The following ANKRD50 variants were observed in gnomAD, a reference collection of about 807,000 sequenced individuals.
ANKRD50 encodes ankyrin repeat domain-containing protein 50.
ANKRD50 carries 40 observed loss-of-function variants against 112.0 expected under a neutral mutation model. The observed-to-expected ratio is 0.36, with a 90% CI of 0.28 to 0.46. The LOEUF is 0.46. Ranked by LOEUF, ANKRD50 falls within the 20% of genes least tolerant of loss-of-function variation. ANKRD50 has a pLI of 1.00. For synonymous variants in ANKRD50, 613 were observed against 619.1 expected, an observed-to-expected ratio of 0.99 and a Z score of 0.15; for missense variants, 1,487 against 1,701.7, an observed-to-expected ratio of 0.87 and a Z score of 2.22.
chr4:124,703,040 A>T (rs1725425591), intron 2 of ANKRD50, among the ~76,000 whole-genome samples: 1 of 152,026 alleles, frequency 6.6e-6, no homozygotes, highest in East Asian at 1.9e-4. Flanking sequence ...CAACAGCTTT[A>T]TCTATGCATT....
Position 124,669,641 on chromosome 4 carries a change from C to T in ANKRD50, c.3636G>A (p.Leu1212=). 1 of 1,613,388 alleles carries T rather than the reference C, an allele frequency of 6.2e-7. No individual in the cohort carries two copies. The highest frequency in any genetic ancestry group is 8.5e-7 in the Non-Finnish European group (1 of 1,179,758). Residue 1212 remains leucine, a synonymous_variant, in exon 4 of 5, where the codon TTG becomes TTA. Transcript: ENST00000504087. ...GCTGCTGAATTTGTTCTGTAAATGA[C>T]AAGTTATGAAAGCTATCAATTGGCA... ...QTVPIDSFHN[L]SFTEQIQQHS... is the part of the protein sequence containing the mutation.
In ANKRD50 at chr4:124,669,738, G is replaced by C; in HGVS notation, c.3539C>G (p.Ser1180Ter). 1 of 1,613,488 alleles carries C rather than the reference G, an allele frequency of 6.2e-7. No individual in the cohort carries two copies. Among genetic ancestry groups the C allele is most frequent in the Non-Finnish European group, 8.5e-7 (1 of 1,179,790 alleles). Residue 1180 changes from serine (S) to a stop codon, truncating the protein, a stop_gained, in exon 4 of 5, where the codon TCA becomes TGA. Coordinates refer to ENST00000504087, the MANE Select transcript of ANKRD50 (RefSeq NM_020337.3). LOFTEE classifies it high-confidence loss of function. ...TTTTGAGCTTTTCAGGGAATTATTT[G>C]ACAGTGATGACTTCTGCCGGTCAAC... The part of the protein sequence containing the change: ...STVDRQKSSL[S>*]NNSLKSSKNS...
chr4:124,664,621 C>T lies in ANKRD50; in HGVS notation c.*2897G>A, dbSNP rs771162212. 6.6e-6 allele frequency: 1 copy of T among 152,144 alleles called. No individual in the cohort carries two copies. Among genetic ancestry groups the T allele is most frequent in the Non-Finnish European group, 1.5e-5 (1 of 67,850 alleles). The allele number at this position is 152,144 out of a possible 1,614,324, so 9.4% of individuals were successfully genotyped here. On this transcript the variant is annotated 3_prime_UTR_variant, in exon 5 of 5. Coordinates refer to ENST00000504087, the MANE Select transcript of ANKRD50 (RefSeq NM_020337.3). ...TTTTGGCTATTTACATACCTCAAAC[C>T]AAGGGAAAAATAAAAAGAAAGCATT...
intron 2 of ANKRD50, among the ~76,000 whole-genome samples, chr4:124,681,520 G>A (rs1405447296): frequency 6.6e-6 from 1 of 152,150 alleles, no homozygotes; most frequent in Non-Finnish European, 1.5e-5. Flanking sequence ...GCACATCATA[G>A]TGGGGGTCAA....
At chr4:124,697,287 G>A (rs1421148432) in intron 2 of ANKRD50, among the ~76,000 whole-genome samples, 3 of 152,042 alleles carry the variant, frequency 2.0e-5, no homozygotes, top group Admixed American at 2.0e-4. Flanking sequence ...AGAAGCAAAT[G>A]TAAACAAAGA....
chr4:124,705,155 A>G (rs773199359), intron 2 of ANKRD50, among the ~76,000 whole-genome samples: 1 of 152,146 alleles, frequency 6.6e-6, no homozygotes, highest in Non-Finnish European at 1.5e-5. Flanking sequence ...CTAAACAGAT[A>G]TAAGTGAAGA....
chr4:124,674,081 T>A (rs534815838), intron 3 of ANKRD50, among the ~76,000 whole-genome samples: 188 of 152,156 alleles, frequency 1.2e-3, no homozygotes, highest in Middle Eastern at 6.8e-3. Context: ...TTTCTGTGTG[T>A]CCATTTGCTT....
At chr4:124,696,002 TA>T (rs1381303007) in intron 2 of ANKRD50, among the ~76,000 whole-genome samples, 2 of 151,860 alleles carry the variant, frequency 1.3e-5, no homozygotes, top group African/African-American at 4.8e-5. Context: ...AAAAAATTAT[TA>T]AACAGAAAAA....
At chr4:124,699,375 T>C (rs966902984) in intron 2 of ANKRD50, among the ~76,000 whole-genome samples, 2 of 152,188 alleles carry the variant, frequency 1.3e-5, no homozygotes, top group African/African-American at 4.8e-5. Context: ...AATTGCTTTC[T>C]TATAAGGATT....
intron 2 of ANKRD50, among the ~76,000 whole-genome samples, chr4:124,691,498 CA>C (rs71583369): frequency 0.049 from 2,908 of 59,542 alleles, 33 homozygotes; most frequent in Middle Eastern, 0.11. Flanking sequence ...GACTCCGTCT[CA>C]AAAAAAAAAA....
intron 2 of ANKRD50, among the ~76,000 whole-genome samples, chr4:124,686,039 A>T (rs1383333180): frequency 1.3e-5 from 2 of 152,216 alleles, no homozygotes; most frequent in East Asian, 3.9e-4. Flanking sequence ...CCTGGCAGAA[A>T]GGCAGCTGAA....
At chr4:124,691,749 A>G (rs976706805) in intron 2 of ANKRD50, among the ~76,000 whole-genome samples, 7 of 152,152 alleles carry the variant, frequency 4.6e-5, no homozygotes, top group African/African-American at 7.2e-5. Flanking sequence ...TGAAAAATAC[A>G]CTTTTCTCTA....
chr4:124,681,546 T>C (rs1487661027), intron 2 of ANKRD50, among the ~76,000 whole-genome samples: 1 of 152,196 alleles, frequency 6.6e-6, no homozygotes, highest in African/African-American at 2.4e-5. Context: ...TCTCCACTCT[T>C]AGCCACTATG....
At chr4:124,680,795 T>C (rs571875281) in intron 2 of ANKRD50, among the ~76,000 whole-genome samples, 46 of 151,988 alleles carry the variant, frequency 3.0e-4, no homozygotes, top group African/African-American at 1.1e-3. Flanking sequence ...GGTAAGGTAA[T>C]GAGCCAGGAG....
chr4:124,701,294 C>T (rs1725384213), intron 2 of ANKRD50, among the ~76,000 whole-genome samples: 1 of 152,066 alleles, frequency 6.6e-6, no homozygotes, highest in Admixed American at 6.5e-5. Context: ...GTGAAACGAC[C>T]TGCAATCTCT....
At position 124,670,338 on chromosome 4, in the gene ANKRD50, C is replaced by T; in HGVS notation, c.2939G>A (p.Arg980Lys). 1 of 1,613,918 alleles carries T rather than the reference C, an allele frequency of 6.2e-7. No individual in the cohort carries two copies. The highest frequency in any genetic ancestry group is 8.5e-7 in the Non-Finnish European group (1 of 1,179,900). ...CCAACAAGACACATGAAGTGCTGTC[C>T]TTCCTTCAGCATCACTTGCTTCTAC... ...ANVEASDAEG[R>K]TALHVSCWQG... Residue 980 changes from arginine (R) to lysine (K), a missense_variant, in exon 4 of 5, where the codon AGG becomes AAG. This residue lies in a region of ANKRD50 where 1,046 missense variants were observed against 1,269.5 expected (regional missense o/e 0.82). Transcript: ENST00000504087.
At chr4:124,690,189 T>C (rs912045688) in intron 2 of ANKRD50, among the ~76,000 whole-genome samples, 2 of 152,194 alleles carry the variant, frequency 1.3e-5, no homozygotes, top group African/African-American at 2.4e-5. Context: ...ATTTGGAATA[T>C]GCCAAAATGT....
Position 124,704,945 on chromosome 4 carries a change from T to C in ANKRD50, c.512+5055A>G, listed in dbSNP as rs59628539. 5.6e-3 allele frequency among the ~76,000 whole-genome samples: 853 copies of C among 152,040 alleles called. 10 individuals carry two copies. The highest frequency in any genetic ancestry group is 0.02 in the African/African-American group (814 of 41,474). On this transcript the variant is annotated intron_variant, in intron 2 of 4. Coordinates refer to ENST00000504087, the MANE Select transcript of ANKRD50 (RefSeq NM_020337.3). ...CTGCCTCTACTAAAAATACAAAACATTGGCTGGGTGTGGTGGTGGGTGCCT... is the reference window on the plus strand; with the variant it reads ...CTGCCTCTACTAAAAATACAAAACACTGGCTGGGTGTGGTGGTGGGTGCCT...
rs1317482361 is a variant in ANKRD50, at chr4:124,669,739, A to G, written c.3538T>C (p.Ser1180Pro). 1 of 1,613,520 alleles carries G rather than the reference A, an allele frequency of 6.2e-7. No individual in the cohort carries two copies. The highest frequency in any genetic ancestry group is 1.1e-5 in the South Asian group (1 of 90,960). Residue 1180 changes from serine to proline, a missense_variant, in exon 4 of 5, where the codon TCA becomes CCA. This residue lies in a region of ANKRD50 where 441 missense variants were observed against 432.2 expected (regional missense o/e 1.02). Transcript: ENST00000504087. ...STVDRQKSSL[S>P]NNSLKSSKNS... ...TTTGAGCTTTTCAGGGAATTATTTG[A>G]CAGTGATGACTTCTGCCGGTCAACT...
Sources: allele counts gnomAD v4.1 joint callset (sites outside exome capture counted in the v4.1 genomes callset), GRCh38; gene constraint gnomAD v4.1.1; regional missense constraint gnomAD v4.1.1; transcripts MANE v1.5; gene names NCBI Gene and HGNC (gene_info 2026-07-23, HGNC 2026-07-21).